ATRNL1: variants seen among roughly 807,000 people sequenced by gnomAD.
ATRNL1 encodes attractin-like protein 1.
ATRNL1 carries 95 observed loss-of-function variants against 182.7 expected under a neutral mutation model. The ratio of observed to expected loss-of-function variants is 0.52; its 90% CI spans 0.44 to 0.62. ATRNL1 has a LOEUF of 0.62. Among genes scored for constraint, ATRNL1 ranks in the 20% least tolerant of loss-of-function variants. ATRNL1 has a pLI of 0.00. For missense variants in ATRNL1, 1,471 were observed against 1,679.5 expected (o/e 0.88, Z 2.17); for synonymous variants, 576 against 568.3 (o/e 1.01, Z -0.19).
chr10:115,914,015 TG>T (rs1243675133), intron 28 of ATRNL1, among the ~76,000 whole-genome samples: 11 of 152,086 alleles, frequency 7.2e-5, no homozygotes, highest in Non-Finnish European at 1.6e-4. Context: ...AGGGACCTCA[TG>T]GGAGGTGATT....
At chr10:115,353,143 G>A (rs1554941910) in intron 19 of ATRNL1, among the ~76,000 whole-genome samples, 28 of 152,154 alleles carry the variant, frequency 1.8e-4, no homozygotes. Context: ...TAAAATATAT[G>A]TTCAGTGTTG....
rs1240826898 is a variant in ATRNL1, at chr10:115,281,450, G to A, written c.2196G>A (p.Gln732=). 1.2e-6 allele frequency: 2 copies of A among 1,613,450 alleles called. No homozygotes were observed. Among genetic ancestry groups the A allele is most frequent in the Non-Finnish European group, 1.7e-6 (2 of 1,179,680 alleles). Reference sequence around the variant, plus strand: ...GCTGTTCACTAAACTTGAATTGCCAGTGGGATCAGAGACAGCAAGAATGCC... The same window carrying A: ...GCTGTTCACTAAACTTGAATTGCCAATGGGATCAGAGACAGCAAGAATGCC... ...CKSCSLNLNC[Q]WDQRQQECQA... The change falls in exon 14 of 29, where the codon CAG becomes CAA. Residue 732 remains glutamine, a synonymous_variant. Coordinates refer to ENST00000355044, the MANE Select transcript of ATRNL1 (RefSeq NM_207303.4).
At chr10:115,227,990 C>T (rs1212601999) in intron 9 of ATRNL1, among the ~76,000 whole-genome samples, 4 of 151,992 alleles carry the variant, frequency 2.6e-5, no homozygotes, top group East Asian at 1.9e-4. Flanking sequence ...TATGTGTTCA[C>T]TTTGTGATAA....
intron 26 of ATRNL1, among the ~76,000 whole-genome samples, chr10:115,621,274 TATAGAGAGAGAG>T (rs1355182531): frequency 2.1e-5 from 1 of 48,240 alleles, no homozygotes; most frequent in African/African-American, 7.0e-5. Context: ...TATATATATA[TATAGAGAGAGAG>T]AGAGAGAGAG....
intron 21 of ATRNL1, among the ~76,000 whole-genome samples, chr10:115,430,468 A>G (rs901713241): frequency 1.3e-5 from 2 of 151,928 alleles, no homozygotes; most frequent in African/African-American, 4.8e-5. Flanking sequence ...TTAAAAACGT[A>G]ATTATTTTCT....
chr10:115,117,354 C>T (rs940316500), intron 1 of ATRNL1, among the ~76,000 whole-genome samples: 1 of 151,962 alleles, frequency 6.6e-6, no homozygotes, highest in Admixed American at 6.6e-5. Context: ...CTCACTTTAC[C>T]ACTACCCTTC....
At chr10:115,522,727 C>T (rs1299368686) in intron 25 of ATRNL1, among the ~76,000 whole-genome samples, 1 of 152,130 alleles carries the variant, frequency 6.6e-6, no homozygotes, top group African/African-American at 2.4e-5. Context: ...TTCCTTTCAG[C>T]TTTGAGCCTG....
intron 8 of ATRNL1, among the ~76,000 whole-genome samples, chr10:115,198,964 T>C (rs2144285812): frequency 6.6e-6 from 1 of 152,270 alleles, no homozygotes; most frequent in South Asian, 2.1e-4. Flanking sequence ...TCTTTTTGCT[T>C]AAGGTTGCCT....
chr10:115,336,978 TGG>T lies in ATRNL1; in HGVS notation c.3175+2569_3175+2570del, dbSNP rs34446671. Among the ~76,000 whole-genome samples the T allele has an allele frequency of 1.5e-3, 220 of 143,362 alleles. 3 individuals are homozygous for T. The South Asian group carries it at 0.024, about 16-fold the overall frequency. 94.1% of individuals were successfully genotyped at this position (143,362 alleles called of 152,430 possible). On this transcript the variant is annotated intron_variant, in intron 19 of 28. Coordinates refer to ENST00000355044, the MANE Select transcript of ATRNL1 (RefSeq NM_207303.4). ...CTCCTGCCTCAGCCTCCCAAGTAGC[TGG>T]GGGGGGGGGACTACAGGGGCCCGCC... is the stretch of plus-strand genomic sequence containing the variant.
At chr10:115,328,605 G>T (rs1855042523) in intron 18 of ATRNL1, among the ~76,000 whole-genome samples, 2 of 151,762 alleles carry the variant, frequency 1.3e-5, no homozygotes, top group Admixed American at 1.3e-4. Context: ...CCAGTTTCTT[G>T]TAATCATCAT....
At chr10:115,750,474 G>C (rs1281826348) in intron 27 of ATRNL1, among the ~76,000 whole-genome samples, 1 of 151,526 alleles carries the variant, frequency 6.6e-6, no homozygotes, top group Non-Finnish European at 1.5e-5. Context: ...ATTCTAAAAA[G>C]ATCAAAAATT....
chr10:115,410,328 CTT>C (rs531844397), intron 20 of ATRNL1, among the ~76,000 whole-genome samples: 10 of 142,766 alleles, frequency 7.0e-5, no homozygotes, highest in East Asian at 2.1e-4. Context: ...AAAATTGCTA[CTT>C]TTTTTTTTTT....
intron 27 of ATRNL1, among the ~76,000 whole-genome samples, chr10:115,732,268 T>C (rs931024627): frequency 7.9e-5 from 12 of 152,212 alleles, no homozygotes; most frequent in African/African-American, 2.7e-4. Flanking sequence ...GGGACCCTTG[T>C]TGAAAATCAA....
chr10:115,258,709 A>G (rs1475625436), intron 10 of ATRNL1, among the ~76,000 whole-genome samples: 1 of 151,798 alleles, frequency 6.6e-6, no homozygotes, highest in Non-Finnish European at 1.5e-5. Flanking sequence ...CAATTTTTAG[A>G]ATTTTCACCT....
chr10:115,818,462 T>C (rs1476876586), intron 27 of ATRNL1, among the ~76,000 whole-genome samples: 2 of 152,122 alleles, frequency 1.3e-5, no homozygotes, highest in African/African-American at 4.8e-5. Flanking sequence ...AAATGTTTCA[T>C]AGTTTTATTA....
At chr10:115,328,567 T>C (rs1554934110) in intron 18 of ATRNL1, among the ~76,000 whole-genome samples, 1 of 152,106 alleles carries the variant, frequency 6.6e-6, no homozygotes, top group African/African-American at 2.4e-5. Context: ...AACCAACATG[T>C]CCCTATCTCC....
intron 25 of ATRNL1, among the ~76,000 whole-genome samples, chr10:115,541,036 A>C (rs1332195216): frequency 6.6e-6 from 1 of 152,186 alleles, no homozygotes; most frequent in African/African-American, 2.4e-5. Flanking sequence ...ATTCTTAAAG[A>C]GGACACATAA....
intron 26 of ATRNL1, among the ~76,000 whole-genome samples, chr10:115,704,353 T>G (rs781881193): frequency 5.3e-5 from 8 of 151,944 alleles, no homozygotes; most frequent in Non-Finnish European, 1.2e-4. Flanking sequence ...ACTGGTCATC[T>G]TGAATTAGGG....
At chr10:115,587,374 A>T (rs1565190697) in intron 26 of ATRNL1, among the ~76,000 whole-genome samples, 1 of 151,662 alleles carries the variant, frequency 6.6e-6, no homozygotes, top group African/African-American at 2.4e-5. Flanking sequence ...GCCGCCTTGC[A>T]GTTTGATCTC....
Sources: gnomAD v4.1 joint callset for allele counts (sites outside exome capture counted in the v4.1 genomes callset) on GRCh38, gnomAD v4.1.1 for gene constraint, MANE v1.5 for transcripts, NCBI Gene and HGNC (gene_info 2026-07-23, HGNC 2026-07-21) for gene names.